The following CSMD2 variants were observed in gnomAD, a reference collection of about 807,000 sequenced individuals.
The protein encoded by CSMD2 is CUB and Sushi multiple domains 2.
A neutral mutation model predicts 398.5 loss-of-function variants in CSMD2; 130 were observed. That is an observed-to-expected ratio of 0.33 (90% confidence interval 0.28 to 0.38). CSMD2 has a LOEUF of 0.38. CSMD2 is among the 10% of genes least tolerant of loss of function. The pLI is 1.00. For synonymous variants in CSMD2, 1,828 were observed against 1,908.5 expected, an observed-to-expected ratio of 0.96 and a Z score of 1.10; for missense variants, 3,829 against 4,764.9, an observed-to-expected ratio of 0.80 and a Z score of 5.78.
rs756524639 is a variant in CSMD2 at position 33,611,072 on chromosome 1, C to G, written c.6312G>C (p.Gln2104His). 1 of 1,613,996 alleles carries G rather than the reference C, an allele frequency of 6.2e-7. No individual in the cohort carries two copies. The highest frequency in any genetic ancestry group is 8.5e-7 in the Non-Finnish European group (1 of 1,180,004). ...ACTCCAGCTTGAATCCTGGCCGATT[C>G]TGGGAGTGGTCGCTGTGGAAATACA... The part of the protein sequence containing the change: ...TTVYFHSDHS[Q>H]NRPGFKLEYQ... The change falls in exon 41 of 71, where the codon CAG becomes CAC. Residue 2104 changes from glutamine to histidine, a missense_variant. By Grantham distance (24) the Gln-to-His change is conservative. Coordinates refer to ENST00000373381, the MANE Select transcript of CSMD2 (RefSeq NM_001281956.2).
intron 2 of CSMD2, among the ~76,000 whole-genome samples, chr1:34,068,319 T>G (rs577386523): frequency 6.6e-6 from 1 of 152,362 alleles, no homozygotes; most frequent in African/African-American, 2.4e-5. Flanking sequence ...GCAAGGGATA[T>G]ACTTAAACTT....
chr1:33,580,848 G>A lies in CSMD2; in HGVS notation c.7292C>T (p.Ala2431Val), dbSNP rs1299040556. ...GCTTGAGCTGGTGACAATCAGGGGA[G>A]CTGAGTAATTCCCACTGAGGGCTTT... Reference protein sequence around the residue: ...LLKALSGNYSAPLIVTSSSNS... With the variant: ...LLKALSGNYSVPLIVTSSSNS... The change falls in exon 48 of 71, where the codon GCT (alanine) becomes GTT (valine). Residue 2431 changes from alanine (A) to valine (V), a missense_variant. Ala to Val is a moderately conservative substitution (Grantham distance 64). Transcript: ENST00000373381. 1.9e-6 allele frequency: 3 copies of A among 1,614,156 alleles called. No individual in the cohort carries two copies. Among genetic ancestry groups the A allele is most frequent in the South Asian group, 2.2e-5 (2 of 91,082 alleles).
chr1:33,832,957 G>C (rs1659776906), intron 6 of CSMD2, among the ~76,000 whole-genome samples: 1 of 152,044 alleles, frequency 6.6e-6, no homozygotes, highest in African/African-American at 2.4e-5. Flanking sequence ...CCAGGAAGAA[G>C]TCGAATCTCT....
intron 65 of CSMD2, among the ~76,000 whole-genome samples, chr1:33,526,172 C>A (rs1189134304): frequency 6.6e-6 from 1 of 151,604 alleles, no homozygotes; most frequent in Non-Finnish European, 1.5e-5. Context: ...AGAGAGGGAA[C>A]TAGAAAGGAG....
chr1:33,837,117 T>G lies in CSMD2; in HGVS notation c.1033+9767A>C, dbSNP rs535803780. Among the ~76,000 whole-genome samples the G allele has an allele frequency of 5.8e-4, 89 of 152,282 alleles. 1 individual carries two copies. In the South Asian group the frequency reaches 9.3e-3, roughly 16 times the overall value. On this transcript the variant is annotated intron_variant, in intron 6 of 70. Coordinates refer to ENST00000373381, the MANE Select transcript of CSMD2 (RefSeq NM_001281956.2). ...AGTTATATATAGCCATCTTGTTTTTTTAACAGTCTGCTCAGGTGGGTGGGG... is the reference window on the plus strand; with the variant it reads ...AGTTATATATAGCCATCTTGTTTTTGTAACAGTCTGCTCAGGTGGGTGGGG...
At chr1:33,712,033 TA>T (rs1646009197) in intron 21 of CSMD2, among the ~76,000 whole-genome samples, 1 of 152,056 alleles carries the variant, frequency 6.6e-6, no homozygotes, top group African/African-American at 2.4e-5. Context: ...TGGAAACAAA[TA>T]AATGTTCCAG....
At chr1:34,142,224 T>A (rs2148528196) in intron 1 of CSMD2, among the ~76,000 whole-genome samples, 1 of 152,246 alleles carries the variant, frequency 6.6e-6, no homozygotes, top group Middle Eastern at 3.4e-3. Context: ...GGCGGCCCCC[T>A]CAGTCTCCAA....
chr1:33,734,379 C>G (rs1646816272), intron 15 of CSMD2, among the ~76,000 whole-genome samples: 1 of 152,144 alleles, frequency 6.6e-6, no homozygotes, highest in African/African-American at 2.4e-5. Context: ...GTTTATTTGA[C>G]AGAGTCTAGC....
At chr1:34,034,602 T>C (rs1455758669) in intron 2 of CSMD2, among the ~76,000 whole-genome samples, 3 of 152,234 alleles carry the variant, frequency 2.0e-5, no homozygotes, top group African/African-American at 7.2e-5. Context: ...CCTTAATCCA[T>C]GCAGCGAGAT....
intron 3 of CSMD2, among the ~76,000 whole-genome samples, chr1:33,979,793 G>A (rs1298085455): frequency 6.6e-6 from 1 of 152,166 alleles, no homozygotes; most frequent in Non-Finnish European, 1.5e-5. Flanking sequence ...AGGGACCCCA[G>A]AGCCCATCTG....
At chr1:33,790,165 G>C (rs1188510920) in intron 11 of CSMD2, among the ~76,000 whole-genome samples, 2 of 152,140 alleles carry the variant, frequency 1.3e-5, no homozygotes, top group Non-Finnish European at 2.9e-5. Flanking sequence ...TGAGTGATGG[G>C]GATGCACCAA....
intron 56 of CSMD2, 92 bp from the exon 57 acceptor site, chr1:33,546,311 G>A: frequency 7.8e-7 from 1 of 1,275,548 alleles, no homozygotes; most frequent in Non-Finnish European, 1.1e-6. Context: ...TGGGACTAAG[G>A]GGATGCAGTG....
rs189428872 is a variant in CSMD2, at chr1:34,075,814, C to T, written c.404+13163G>A. ...CCATCTAATTGTGCAAAAGCAGAGA[C>T]GTGGGGATTGTTTCAGTAATTCATC... is the stretch of plus-strand genomic sequence containing the variant. On this transcript the variant is annotated intron_variant, in intron 2 of 70. Coordinates refer to ENST00000373381, the MANE Select transcript of CSMD2 (RefSeq NM_001281956.2). Among the ~76,000 whole-genome samples, 38 of 152,288 alleles carry T rather than the reference C, an allele frequency of 2.5e-4. 1 individual carries two copies. Among genetic ancestry groups the T allele is most frequent in the Middle Eastern group, 3.4e-3 (1 of 294 alleles).
At chr1:33,855,412 T>C (rs1639012920) in intron 5 of CSMD2, among the ~76,000 whole-genome samples, 1 of 152,022 alleles carries the variant, frequency 6.6e-6, no homozygotes. Context: ...AAGGGCTGAG[T>C]ACTCACTTTA....
chr1:33,779,813 G>A (rs898835029), intron 12 of CSMD2, among the ~76,000 whole-genome samples: 1 of 152,174 alleles, frequency 6.6e-6, no homozygotes, highest in Non-Finnish European at 1.5e-5. Flanking sequence ...GTTCCTTGAG[G>A]ACCGAGCCAA....
At chr1:33,849,607 C>A (rs1031963326) in intron 5 of CSMD2, among the ~76,000 whole-genome samples, 1 of 152,080 alleles carries the variant, frequency 6.6e-6, no homozygotes, top group African/African-American at 2.4e-5. Flanking sequence ...ACACATTGGG[C>A]AAACTCCAAG....
chr1:33,586,569 T>C lies in CSMD2; in HGVS notation c.6986A>G (p.Asn2329Ser). Residue 2329 changes from asparagine (N) to serine (S), a missense_variant, in exon 46 of 71, where the codon AAT becomes AGT. Physicochemically the swap from Asn to Ser is conservative, Grantham distance 46 (BLOSUM62 1). This residue lies in a region of CSMD2 where 723 missense variants were observed against 758.6 expected (regional missense o/e 0.95). Transcript: ENST00000373381. ...TCCAAGTTTGCAGGTCAGAATTTCATTCCCCACTAAGGTAAAGCCAGGGAG... is the reference window on the plus strand; with the variant it reads ...TCCAAGTTTGCAGGTCAGAATTTCACTCCCCACTAAGGTAAAGCCAGGGAG... ...RCLPGFTLVG[N>S]EILTCKLGTY... 6.2e-6 allele frequency: 10 copies of C among 1,613,796 alleles called. No homozygotes were observed. Among genetic ancestry groups the C allele is most frequent in the Non-Finnish European group, 8.5e-6 (10 of 1,179,772 alleles).
intron 54 of CSMD2, among the ~76,000 whole-genome samples, chr1:33,558,687 G>A (rs1466732811): frequency 6.6e-6 from 1 of 152,172 alleles, no homozygotes; most frequent in Non-Finnish European, 1.5e-5. Flanking sequence ...AGCGTTAGAA[G>A]CTATTTCCTA....
intron 3 of CSMD2, among the ~76,000 whole-genome samples, chr1:34,013,885 C>G (rs1234228166): frequency 1.3e-5 from 2 of 152,116 alleles, no homozygotes; most frequent in Non-Finnish European, 2.9e-5. Flanking sequence ...CATCCAGCTG[C>G]CTACCCACCA....
Sources: gnomAD v4.1 joint callset for allele counts (sites outside exome capture counted in the v4.1 genomes callset) on GRCh38, gnomAD v4.1.1 for gene constraint, gnomAD v4.1.1 regional missense constraint, MANE v1.5 for transcripts, NCBI Gene and HGNC (gene_info 2026-07-23, HGNC 2026-07-21) for gene names.